Variants in DENND1A observed in about 807,000 individuals in gnomAD.
The protein encoded by DENND1A is DENN domain-containing protein 1A.
A neutral mutation model predicts 113.7 loss-of-function variants in DENND1A; 51 were observed. The ratio of observed to expected loss-of-function variants is 0.45; its 90% CI spans 0.36 to 0.57. DENND1A has a LOEUF of 0.57. Ranked by LOEUF, DENND1A falls within the 20% of genes least tolerant of loss-of-function variation. The pLI, the probability that DENND1A is intolerant of heterozygous loss-of-function variation, is 0.00. For synonymous variants in DENND1A, 565 were observed against 570.8 expected, an observed-to-expected ratio of 0.99 and a Z score of 0.14; for missense variants, 1,258 against 1,395.9, an observed-to-expected ratio of 0.90 and a Z score of 1.57.
intron 5 of DENND1A, among the ~76,000 whole-genome samples, chr9:123,747,356 TAC>T (rs1205770069): frequency 2.0e-5 from 3 of 152,174 alleles, no homozygotes. Flanking sequence ...TCCACCACTT[TAC>T]TTCAAAGGCA....
intron 13 of DENND1A, among the ~76,000 whole-genome samples, chr9:123,473,986 C>CTTT (rs5900577): frequency 4.2e-5 from 3 of 70,704 alleles, no homozygotes; most frequent in Non-Finnish European, 8.4e-5. Context: ...TACTTTCTTT[C>CTTT]TTTTTTTTTT....
chr9:123,426,015 G>A (rs1164680349), intron 19 of DENND1A, among the ~76,000 whole-genome samples: 1 of 152,248 alleles, frequency 6.6e-6, no homozygotes, highest in African/African-American at 2.4e-5. Context: ...CTCTGCCCAG[G>A]GCAGGGGCAC....
chr9:123,722,416 G>A (rs1471005281), intron 5 of DENND1A, among the ~76,000 whole-genome samples: 1 of 152,210 alleles, frequency 6.6e-6, no homozygotes, highest in Non-Finnish European at 1.5e-5. Flanking sequence ...GCAGAAATTT[G>A]CATAAACGAG....
intron 21 of DENND1A, among the ~76,000 whole-genome samples, chr9:123,392,096 A>G (rs1018423364): frequency 6.6e-6 from 1 of 152,212 alleles, no homozygotes; most frequent in African/African-American, 2.4e-5. Flanking sequence ...CGCGTGTGAC[A>G]GTGGTGACAG....
chr9:123,825,448 T>C (rs949176678), intron 2 of DENND1A, among the ~76,000 whole-genome samples: 5 of 152,156 alleles, frequency 3.3e-5, no homozygotes, highest in Non-Finnish European at 7.4e-5. Context: ...CAGAAAATTT[T>C]CAAATGAAAG....
At chr9:123,494,628 T>C (rs1462442754) in intron 13 of DENND1A, among the ~76,000 whole-genome samples, 1 of 152,150 alleles carries the variant, frequency 6.6e-6, no homozygotes, top group African/African-American at 2.4e-5. Flanking sequence ...ATCATCCCTA[T>C]TAAAGGAAAC....
intron 5 of DENND1A, among the ~76,000 whole-genome samples, chr9:123,729,397 A>G (rs777688664): frequency 6.6e-6 from 1 of 152,240 alleles, no homozygotes; most frequent in Non-Finnish European, 1.5e-5. Flanking sequence ...TTAAGCTGAT[A>G]AGCAACTTCA....
At chr9:123,804,148 T>A (rs1189778685) in intron 2 of DENND1A, among the ~76,000 whole-genome samples, 1 of 152,250 alleles carries the variant, frequency 6.6e-6, no homozygotes, top group African/African-American at 2.4e-5. Context: ...CTCGTGATAG[T>A]GAATGAGTCT....
At chr9:123,659,557 G>A (rs534955811) in intron 8 of DENND1A, among the ~76,000 whole-genome samples, 1 of 152,334 alleles carries the variant, frequency 6.6e-6, no homozygotes, top group East Asian at 1.9e-4. Flanking sequence ...GCCAAGAAAA[G>A]GAGAAAAAGA....
chr9:123,394,504 G>A lies in DENND1A; in HGVS notation c.1632-6646C>T, dbSNP rs576010827. On this transcript the variant is annotated intron_variant, in intron 21 of 23. Transcript: ENST00000394215. ...GTGGCTGCAGTCAAGCAGGAAGCATGCCTGGCTGCCCATCCCCCTCTCTTG... is the reference window on the plus strand; with the variant it reads ...GTGGCTGCAGTCAAGCAGGAAGCATACCTGGCTGCCCATCCCCCTCTCTTG... Among the ~76,000 whole-genome samples, 3 of 152,332 alleles carry A rather than the reference G, an allele frequency of 2.0e-5. No homozygotes were observed. In the South Asian group the frequency reaches 6.2e-4, roughly 32 times the overall value.
chr9:123,777,525 T>G (rs1246883055), intron 3 of DENND1A, among the ~76,000 whole-genome samples: 1 of 152,222 alleles, frequency 6.6e-6, no homozygotes, highest in Admixed American at 6.5e-5. Context: ...GAAGCTTTTG[T>G]AAGTCTTAGT....
intron 2 of DENND1A, among the ~76,000 whole-genome samples, chr9:123,866,748 C>T (rs766646637): frequency 1.3e-5 from 2 of 152,136 alleles, no homozygotes; most frequent in Non-Finnish European, 2.9e-5. Context: ...ATTTACAAAA[C>T]AACCTGCCAA....
intron 10 of DENND1A, among the ~76,000 whole-genome samples, chr9:123,624,211 C>T (rs1422185494): frequency 6.6e-6 from 1 of 152,210 alleles, no homozygotes; most frequent in Non-Finnish European, 1.5e-5. Context: ...GAGTAGCAAA[C>T]CTCCTTCAAA....
intron 9 of DENND1A, among the ~76,000 whole-genome samples, chr9:123,639,777 CAAAAAAAAAA>C (rs199515973): frequency 1.7e-5 from 2 of 115,606 alleles, no homozygotes; most frequent in Admixed American, 9.0e-5. Context: ...AACTCCATCT[CAAAAAAAAAA>C]AAAAAAAAAA....
At chr9:123,565,551 C>T (rs2058010045) in intron 12 of DENND1A, among the ~76,000 whole-genome samples, 1 of 152,160 alleles carries the variant, frequency 6.6e-6, no homozygotes, top group Admixed American at 6.5e-5. Context: ...CATTTTCCTC[C>T]CCCCTTTAAG....
chr9:123,442,265 C>T (rs1377476168), intron 18 of DENND1A, among the ~76,000 whole-genome samples: 1 of 152,152 alleles, frequency 6.6e-6, no homozygotes, highest in East Asian at 1.9e-4. Flanking sequence ...TGATGACCTC[C>T]TGGCTTTACT....
At chr9:123,676,906 G>C (rs2064113173) in intron 5 of DENND1A, 117 bp from the exon 6 acceptor site, 2 of 929,350 alleles carry the variant, frequency 2.2e-6, no homozygotes, top group African/African-American at 1.6e-5. Flanking sequence ...GAGTCTTCCT[G>C]TCACAGACTG....
At chr9:123,639,791 A>AC (rs1564865740) in intron 9 of DENND1A, among the ~76,000 whole-genome samples, 2 of 151,882 alleles carry the variant, frequency 1.3e-5, no homozygotes, top group Admixed American at 6.6e-5. Context: ...AAAAAAAAAA[A>AC]AAAAAACAAA....
chr9:123,865,013 C>A (rs1845620546), intron 2 of DENND1A, among the ~76,000 whole-genome samples: 1 of 152,140 alleles, frequency 6.6e-6, no homozygotes, highest in African/African-American at 2.4e-5. Context: ...ACATACTAAT[C>A]AGAACCTGAG....
Sources: gnomAD v4.1 joint callset for allele counts (sites outside exome capture counted in the v4.1 genomes callset) on GRCh38, gnomAD v4.1.1 for gene constraint, MANE v1.5 for transcripts, NCBI Gene and HGNC (gene_info 2026-07-23, HGNC 2026-07-21) for gene names.